PIBF1: variants seen among roughly 807,000 people sequenced by gnomAD.
The protein encoded by PIBF1 is progesterone immunomodulatory binding factor 1, also known as progesterone-induced-blocking factor 1.
In PIBF1, 90 loss-of-function variants were observed where a neutral mutation model predicts 112.5. The ratio of observed to expected loss-of-function variants is 0.80; its 90% CI spans 0.67 to 0.95. The LOEUF (loss-of-function observed/expected upper bound fraction) is 0.95, where lower values mean the gene tolerates loss of function less well. PIBF1 is among the 40% of genes least tolerant of loss of function. PIBF1 has a pLI of 0.00. For missense variants in PIBF1, 915 were observed against 852.3 expected (o/e 1.07, Z -0.92); for synonymous variants, 301 against 288.6 (o/e 1.04, Z -0.44).
intron 17 of PIBF1, among the ~76,000 whole-genome samples, chr13:73,012,583 A>G (rs961806462): frequency 6.7e-6 from 1 of 149,854 alleles, no homozygotes; most frequent in African/African-American, 2.5e-5. Flanking sequence ...ACCAAAAAAA[A>G]CAAAAAAAAA....
At position 72,893,814 on chromosome 13, in the gene PIBF1, CAAAGT is replaced by C. The variant is rs2040152719; in HGVS notation, c.1356_1360del (p.Lys452AsnfsTer8). On this transcript the variant is annotated frameshift_variant, in exon 11 of 18. Coordinates refer to ENST00000326291, the MANE Select transcript of PIBF1 (RefSeq NM_006346.4). LOFTEE classifies it high-confidence loss of function. ...GAGAACTACAACTTAGTACAGAAAGCAAAGTAACAGAATTTCTCCATCAAAGTAAA... is the reference window on the plus strand; with the variant it reads ...GAGAACTACAACTTAGTACAGAAAGCAACAGAATTTCTCCATCAAAGTAAA... The C allele has an allele frequency of 6.2e-7, 1 of 1,601,864 alleles. No homozygotes were observed. Among genetic ancestry groups the C allele is most frequent in the Admixed American group, 1.7e-5 (1 of 58,440 alleles).
rs572896688 is a variant in PIBF1 at position 72,983,492 on chromosome 13, T to C, written c.2049+9817T>C. On this transcript the variant is annotated intron_variant, in intron 16 of 17. Transcript: ENST00000326291. ...TACCTGAACATTGGACTAATTCTTA[T>C]TATCCTGGATAACTTTCTTCTTACA... Among the ~76,000 whole-genome samples, 14 of 152,320 alleles carry C rather than the reference T, an allele frequency of 9.2e-5. No homozygotes were observed. In the South Asian group the frequency reaches 2.9e-3, roughly 32 times the overall value.
intron 13 of PIBF1, among the ~76,000 whole-genome samples, chr13:72,918,890 G>T (rs1345825004): frequency 2.6e-5 from 4 of 151,672 alleles, no homozygotes; most frequent in African/African-American, 9.7e-5. Flanking sequence ...TTTTAATAGC[G>T]ACAGGGTTTC....
chr13:72,835,858 G>C (rs1209159571), intron 9 of PIBF1, among the ~76,000 whole-genome samples: 2 of 152,132 alleles, frequency 1.3e-5, no homozygotes, highest in Non-Finnish European at 2.9e-5. Flanking sequence ...CCAGCACTTT[G>C]GGAGGCCGAG....
At chr13:72,865,498 AATCT>A (rs1332728263) in intron 10 of PIBF1, among the ~76,000 whole-genome samples, 3 of 152,222 alleles carry the variant, frequency 2.0e-5, no homozygotes. Flanking sequence ...TTCAGTGGCC[AATCT>A]ATCTACTGTT....
chr13:72,983,150 A>C (rs2138973801), intron 16 of PIBF1, among the ~76,000 whole-genome samples: 1 of 152,272 alleles, frequency 6.6e-6, no homozygotes, highest in South Asian at 2.1e-4. Flanking sequence ...CAACACAGCA[A>C]GACCCCTAGC....
chr13:72,995,071 G>A (rs1350186335), intron 16 of PIBF1, among the ~76,000 whole-genome samples: 2 of 152,102 alleles, frequency 1.3e-5, no homozygotes, highest in Non-Finnish European at 2.9e-5. Context: ...GGAGGCTGAG[G>A]TGGGTGAATC....
chr13:72,911,472 C>G (rs2040891401), intron 12 of PIBF1, among the ~76,000 whole-genome samples: 1 of 152,112 alleles, frequency 6.6e-6, no homozygotes, highest in South Asian at 2.1e-4. Flanking sequence ...CAATATTAAT[C>G]TGAGACGATA....
intron 10 of PIBF1, among the ~76,000 whole-genome samples, chr13:72,889,180 A>G (rs1463478952): frequency 6.6e-6 from 1 of 152,224 alleles, no homozygotes; most frequent in Non-Finnish European, 1.5e-5. Flanking sequence ...AAGAAAATTT[A>G]TGAAAATATA....
At chr13:72,886,157 TTACAC>T (rs1222803803) in intron 10 of PIBF1, among the ~76,000 whole-genome samples, 11 of 152,238 alleles carry the variant, frequency 7.2e-5, no homozygotes, top group African/African-American at 2.6e-4. Context: ...TATTAATACT[TTACAC>T]TATTCTTCAT....
At chr13:72,811,331 C>A (rs541085447) in intron 5 of PIBF1, among the ~76,000 whole-genome samples, 1 of 152,062 alleles carries the variant, frequency 6.6e-6, no homozygotes, top group East Asian at 1.9e-4. Context: ...GGCTGGGCAC[C>A]ATGACTCACT....
chr13:72,807,533 C>G (rs1351314334), intron 5 of PIBF1, among the ~76,000 whole-genome samples: 1 of 151,794 alleles, frequency 6.6e-6, no homozygotes, highest in Non-Finnish European at 1.5e-5. Flanking sequence ...CAAGATTGTG[C>G]CACTGCACTC....
rs2037676191 is a variant in PIBF1, at chr13:72,842,884, ATTG to A, written c.1223+7519_1223+7521del. Among the ~76,000 whole-genome samples the A allele has an allele frequency of 2.0e-5, 3 of 152,166 alleles. No individual in the cohort carries two copies. The South Asian group carries it at 6.2e-4, about 31-fold the overall frequency. ...TAATTTTTATTATCAGTTATCTTTTATTGTTAACTATATTCTTTACTCCTTAGA... is the reference window on the plus strand; with the variant it reads ...TAATTTTTATTATCAGTTATCTTTTATTAACTATATTCTTTACTCCTTAGA... On this transcript the variant is annotated intron_variant, in intron 9 of 17. Coordinates refer to ENST00000326291, the MANE Select transcript of PIBF1 (RefSeq NM_006346.4).
intron 10 of PIBF1, among the ~76,000 whole-genome samples, chr13:72,866,177 G>T (rs2038920059): frequency 6.6e-6 from 1 of 152,064 alleles, no homozygotes; most frequent in Admixed American, 6.6e-5. Context: ...CTGATTGCAT[G>T]TACGGCACAC....
chr13:72,864,207 G>T (rs2038827056), intron 10 of PIBF1, among the ~76,000 whole-genome samples: 1 of 152,134 alleles, frequency 6.6e-6, no homozygotes, highest in Non-Finnish European at 1.5e-5. Context: ...TTAAAAATCA[G>T]GTTCATTCAT....
At chr13:72,790,090 T>C (rs1327977201) in intron 2 of PIBF1, among the ~76,000 whole-genome samples, 1 of 152,222 alleles carries the variant, frequency 6.6e-6, no homozygotes, top group African/African-American at 2.4e-5. Flanking sequence ...AGATTTTTCT[T>C]ATGGGCTGGA....
intron 16 of PIBF1, among the ~76,000 whole-genome samples, chr13:72,990,213 CAAA>C (rs34873893): frequency 3.6e-4 from 19 of 52,704 alleles, no homozygotes; most frequent in African/African-American, 1.1e-3. Context: ...GACTCTGTCT[CAAA>C]AAAAAAAAAA....
chr13:72,801,457 T>C (rs1284159546), intron 5 of PIBF1, among the ~76,000 whole-genome samples: 6 of 152,170 alleles, frequency 3.9e-5, no homozygotes, highest in Non-Finnish European at 7.3e-5. Context: ...TGTACACAAA[T>C]CTATTATCAA....
chr13:73,013,258 G>A (rs1198267504), intron 17 of PIBF1, among the ~76,000 whole-genome samples: 36 of 132,080 alleles, frequency 2.7e-4, no homozygotes, highest in African/African-American at 4.7e-4. Context: ...CCGAGATCGC[G>A]CCACTGCACT....
Sources: allele counts gnomAD v4.1 joint callset (sites outside exome capture counted in the v4.1 genomes callset), GRCh38; gene constraint gnomAD v4.1.1; transcripts MANE v1.5; gene names NCBI Gene and HGNC (gene_info 2026-07-23, HGNC 2026-07-21).